Variants in ANKRD26 observed in about 807,000 individuals in gnomAD.
ANKRD26 encodes ankyrin repeat domain 26, also known as ankyrin repeat domain-containing protein 26.
ANKRD26 carries 141 observed loss-of-function variants against 208.7 expected under a neutral mutation model. That is an observed-to-expected ratio of 0.68 (90% confidence interval 0.59 to 0.78). ANKRD26 has a LOEUF of 0.78. ANKRD26 is among the 30% of genes least tolerant of loss of function. The pLI is 0.00. For synonymous variants in ANKRD26, 636 were observed against 660.4 expected (o/e 0.96, Z 0.57); for missense variants, 1,889 against 1,938.7 (o/e 0.97, Z 0.48).
rs751249783 is a variant in ANKRD26, at chr10:27,093,709, G to C, written c.333C>G (p.Asn111Lys). The C allele has an allele frequency of 1.2e-6, 2 of 1,614,138 alleles. No individual in the cohort carries two copies. The highest frequency in any genetic ancestry group is 1.1e-5 in the South Asian group (1 of 91,092). Residue 111 changes from asparagine (N) to lysine (K), a missense_variant, in exon 2 of 34, where the codon AAC (asparagine) becomes AAG (lysine). Asn to Lys is a moderately conservative substitution (Grantham distance 94, BLOSUM62 0). Coordinates refer to ENST00000376087, the MANE Select transcript of ANKRD26 (RefSeq NM_014915.3). ...CCTTCATCAGAGCTGTCCTGTTTTC[G>C]TTGTCACAGACATTGAGCTGGCATT... Reference protein sequence around the residue: ...DRKCQLNVCDNENRTALMKAV... With the variant: ...DRKCQLNVCDKENRTALMKAV...
the ANKRD26 span, among the ~76,000 whole-genome samples, chr10:26,953,144 G>A: frequency 6.6e-6 from 1 of 152,144 alleles, no homozygotes; most frequent in Non-Finnish European, 1.5e-5. Context: ...ATAATACCAG[G>A]CCAGACAGAG....
At chr10:26,964,083 G>C in the ANKRD26 span, among the ~76,000 whole-genome samples, 3 of 151,298 alleles carry the variant, frequency 2.0e-5, no homozygotes, top group Non-Finnish European at 4.4e-5. Flanking sequence ...GCTAATTTTT[G>C]TATTTTAGTA....
Position 27,064,087 on chromosome 10 carries a change from A to G in ANKRD26, c.1270-6T>C. 6.3e-7 allele frequency: 1 copy of G among 1,581,036 alleles called. No individual in the cohort carries two copies. The highest frequency in any genetic ancestry group is 8.7e-7 in the Non-Finnish European group (1 of 1,153,128). On this transcript the variant is annotated splice_region_variant and splice_polypyrimidine_tract_variant and intron_variant, in intron 11 of 33. Coordinates refer to ENST00000376087, the MANE Select transcript of ANKRD26 (RefSeq NM_014915.3). Reference sequence around the variant, plus strand: ...GGAAAATTCTCAGAGATACTCTGTTAAAATTAGTATCAATAATGAGTTTCA... The same window carrying G: ...GGAAAATTCTCAGAGATACTCTGTTGAAATTAGTATCAATAATGAGTTTCA...
rs376386676 is a variant in ANKRD26 at position 27,100,359 on chromosome 10, T to C, written c.-33A>G. ...GCGACCGGGCTTCAGAGACACCTCA[T>C]GTCTCTCTCGGCTCTTAACGGCCTC... On this transcript the variant is annotated 5_prime_UTR_variant, in exon 1 of 34. It removes an upstream start codon present in the reference 5' UTR. Transcript: ENST00000376087. 3.1e-6 allele frequency: 5 copies of C among 1,603,032 alleles called. No homozygotes were observed. The highest frequency in any genetic ancestry group is 3.3e-5 in the Admixed American group (2 of 59,958).
chr10:27,003,694 T>C (rs1012954706), downstream of ANKRD26, among the ~76,000 whole-genome samples: 1 of 152,212 alleles, frequency 6.6e-6, no homozygotes, highest in Non-Finnish European at 1.5e-5. Flanking sequence ...GAACTCAGCC[T>C]GTGTGAAAGC....
At chr10:27,086,733 T>A in intron 4 of ANKRD26, 124 bp from the exon 5 acceptor site, 5 of 846,022 alleles carry the variant, frequency 5.9e-6, no homozygotes, top group African/African-American at 1.8e-5. Context: ...AATTATCCCA[T>A]ACACTTCAAA....
downstream of ANKRD26, among the ~76,000 whole-genome samples, chr10:26,973,649 C>CTTTTTTTTTTTTTTTTTTTTTT (rs71386903): frequency 3.2e-4 from 28 of 88,428 alleles, no homozygotes; most frequent in East Asian, 7.8e-4. Context: ...TTTATTTGTC[C>CTTTTTTTTTTTTTTTTTTTTTT]TTTTTTTTTT....
At chr10:27,040,581 G>A (rs1257026430) in intron 20 of ANKRD26, among the ~76,000 whole-genome samples, 2 of 152,194 alleles carry the variant, frequency 1.3e-5, no homozygotes, top group Non-Finnish European at 2.9e-5. Flanking sequence ...CAGGCAGTCT[G>A]CAGCGTGTGC....
chr10:26,999,807 C>CAAAAAAAAAAAAA (rs68192322), downstream of ANKRD26, among the ~76,000 whole-genome samples: 2 of 74,776 alleles, frequency 2.7e-5, no homozygotes, highest in Non-Finnish European at 2.8e-5. Context: ...CAAAACCAAC[C>CAAAAAAAAAAAAA]AAAAAAAAAA....
intron 24 of ANKRD26, among the ~76,000 whole-genome samples, chr10:27,033,825 T>C (rs1314786119): frequency 6.6e-6 from 1 of 152,204 alleles, no homozygotes; most frequent in Non-Finnish European, 1.5e-5. Flanking sequence ...TATCTCAGAA[T>C]ACAGGTAAAT....
intron 9 of ANKRD26, among the ~76,000 whole-genome samples, chr10:27,073,068 A>C (rs2055563672): frequency 6.6e-6 from 1 of 152,092 alleles, no homozygotes; most frequent in African/African-American, 2.4e-5. Context: ...AGGGGCTGCT[A>C]CTCCCAGGGG....
chr10:26,974,541 C>T (rs553587487), exon 6 of ANKRD26, among the ~76,000 whole-genome samples: 17 of 152,090 alleles, frequency 1.1e-4, no homozygotes, highest in Admixed American at 2.0e-4. Context: ...TGGGTTTCAC[C>T]GTGTTAGCCA....
At chr10:27,019,212 G>A (rs546984150) in intron 29 of ANKRD26, among the ~76,000 whole-genome samples, 2 of 152,120 alleles carry the variant, frequency 1.3e-5, no homozygotes, top group South Asian at 2.1e-4. Flanking sequence ...CCCAGGAGGC[G>A]GAGCTTGCAG....
chr10:27,029,971 G>C (rs1185868143), intron 25 of ANKRD26, among the ~76,000 whole-genome samples: 1 of 152,174 alleles, frequency 6.6e-6, no homozygotes, highest in African/African-American at 2.4e-5. Flanking sequence ...TGGTAAAATA[G>C]AAACAGAGAC....
At chr10:27,040,311 T>A in intron 20 of ANKRD26, 133 bp from the exon 21 acceptor site, 1 of 697,084 alleles carries the variant, frequency 1.4e-6, no homozygotes, top group Non-Finnish European at 2.4e-6. Context: ...GACATTAAAC[T>A]AAGCTCTGAA....
At chr10:26,977,596 G>A (rs779043969) in intron 5 of ANKRD26, among the ~76,000 whole-genome samples, 6 of 152,176 alleles carry the variant, frequency 3.9e-5, no homozygotes, top group African/African-American at 9.7e-5. Context: ...ACTAATGCAC[G>A]TTTATAATGC....
chr10:27,001,860 C>T (rs12779577), downstream of ANKRD26, among the ~76,000 whole-genome samples: 4 of 152,176 alleles, frequency 2.6e-5, no homozygotes, highest in East Asian at 5.8e-4. Flanking sequence ...TGATTTGGGG[C>T]CTGCTTTTTG....
At position 27,023,095 on chromosome 10, in the gene ANKRD26, G is replaced by A. The variant is rs930556815; in HGVS notation, c.4086-408C>T. On this transcript the variant is annotated intron_variant, in intron 28 of 33. Transcript: ENST00000376087. ...TAAAATTCCAGCACTTTGGGAGACCGAGCCAGGCGGATCACTTGAGCTCAG... is the reference window on the plus strand; with the variant it reads ...TAAAATTCCAGCACTTTGGGAGACCAAGCCAGGCGGATCACTTGAGCTCAG... 2.6e-5 allele frequency among the ~76,000 whole-genome samples: 4 copies of A among 152,160 alleles called. No homozygotes were observed. The South Asian group carries it at 8.3e-4, about 32-fold the overall frequency.
At chr10:27,065,195 T>C (rs2055196142) in intron 11 of ANKRD26, among the ~76,000 whole-genome samples, 1 of 152,134 alleles carries the variant, frequency 6.6e-6, no homozygotes, top group Non-Finnish European at 1.5e-5. Flanking sequence ...CTCAATTTTC[T>C]CTAACCTAAT....
Sources: allele counts gnomAD v4.1 joint callset (sites outside exome capture counted in the v4.1 genomes callset), GRCh38; gene constraint gnomAD v4.1.1; transcripts MANE v1.5; gene names NCBI Gene and HGNC (gene_info 2026-07-23, HGNC 2026-07-21).